MLLT3: variants seen among roughly 807,000 people sequenced by gnomAD.
MLLT3 encodes protein AF-9.
Under a neutral mutation model 53.2 loss-of-function variants are expected in MLLT3, and 4 were observed. That is an observed-to-expected ratio of 0.08 (90% confidence interval 0.04 to 0.17). The LOEUF is 0.17. Ranked by LOEUF, MLLT3 falls within the 10% of genes least tolerant of loss-of-function variation. The probability of loss-of-function intolerance (pLI) is 1.00; values close to 1 mark genes in which losing one functional copy is unlikely to be tolerated. For missense variants in MLLT3, 569 were observed against 684.0 expected, an observed-to-expected ratio of 0.83 and a Z score of 1.87; for synonymous variants, 283 against 230.6, an observed-to-expected ratio of 1.23 and a Z score of -2.06.
chr9:20,602,678 G>T (rs141792231), intron 2 of MLLT3, among the ~76,000 whole-genome samples: 9 of 151,536 alleles, frequency 5.9e-5, no homozygotes, highest in Non-Finnish European at 1.3e-4. Flanking sequence ...TTAGAATTTG[G>T]CATCTTGGAG....
chr9:20,521,877 T>C (rs985885674), intron 2 of MLLT3, among the ~76,000 whole-genome samples: 2 of 152,162 alleles, frequency 1.3e-5, no homozygotes, highest in African/African-American at 4.8e-5. Context: ...TGCAGCTTAG[T>C]ATTCAAGGTT....
In MLLT3 at chr9:20,342,578, C is replaced by T. The variant is rs1005979001; in HGVS notation, c.*3865G>A. The stretch of plus-strand genomic sequence containing the variant: ...ATACACATTTACAGTTTACAGACAG[C>T]GGTGGCTTTGTCTTCCTTTTAAATT... On this transcript the variant is annotated 3_prime_UTR_variant, in exon 11 of 11. Coordinates refer to ENST00000380338, the MANE Select transcript of MLLT3 (RefSeq NM_004529.4). The T allele has an allele frequency of 4.2e-4, 91 of 218,696 alleles. No individual in the cohort carries two copies. Among genetic ancestry groups the T allele is most frequent in the Non-Finnish European group, 7.2e-4 (78 of 109,056 alleles). The allele number at this position is 218,696 out of a possible 1,614,324, so 13.5% of individuals were successfully genotyped here.
chr9:20,429,705 G>A (rs562120818), intron 4 of MLLT3, among the ~76,000 whole-genome samples: 6 of 152,144 alleles, frequency 3.9e-5, no homozygotes, highest in African/African-American at 7.2e-5. Context: ...ATACTGAAAC[G>A]TTTTCTGATA....
chr9:20,387,395 A>G lies in MLLT3; in HGVS notation c.1126-21651T>C, dbSNP rs529870866. Among the ~76,000 whole-genome samples, 10 of 152,360 alleles carry G rather than the reference A, an allele frequency of 6.6e-5. No individual in the cohort carries two copies. The South Asian group carries it at 2.1e-3, about 32-fold the overall frequency. ...GGGATTTGGTGAACTTTGTTACATC[A>G]GATTTCTCTGATTTAGTTTATCCTA... is the stretch of plus-strand genomic sequence containing the variant. On this transcript the variant is annotated intron_variant, in intron 5 of 10. Transcript: ENST00000380338.
At chr9:20,420,106 G>T (rs904189648) in intron 4 of MLLT3, among the ~76,000 whole-genome samples, 8 of 152,094 alleles carry the variant, frequency 5.3e-5, no homozygotes, top group African/African-American at 1.9e-4. Context: ...AAGGAAGGTG[G>T]TCATTTATTA....
rs190887472 is a variant in MLLT3, at chr9:20,468,326, C to A, written c.194-11540G>T. Among the ~76,000 whole-genome samples the A allele has an allele frequency of 6.8e-4, 103 of 152,150 alleles. 1 individual carries two copies. Among genetic ancestry groups the A allele is most frequent in the Middle Eastern group, 6.8e-3 (2 of 294 alleles). ...ATTCCTAAATTTGTTTTTATTTTTG[C>A]TGTCATAGCTCCTTGACAGGGATAT... On this transcript the variant is annotated intron_variant, in intron 2 of 10. Coordinates refer to ENST00000380338, the MANE Select transcript of MLLT3 (RefSeq NM_004529.4).
At chr9:20,597,016 A>G (rs1389475024) in intron 2 of MLLT3, among the ~76,000 whole-genome samples, 1 of 152,190 alleles carries the variant, frequency 6.6e-6, no homozygotes, top group Non-Finnish European at 1.5e-5. Context: ...GTTTTGTTAA[A>G]TGTGTTCCTA....
chr9:20,487,040 A>G (rs1563782302), intron 2 of MLLT3, among the ~76,000 whole-genome samples: 1 of 152,162 alleles, frequency 6.6e-6, no homozygotes, highest in African/African-American at 2.4e-5. Flanking sequence ...AACAAAATGC[A>G]ATTATTAATC....
intron 4 of MLLT3, among the ~76,000 whole-genome samples, chr9:20,442,768 A>G (rs1378061066): frequency 6.6e-6 from 1 of 152,212 alleles, no homozygotes; most frequent in African/African-American, 2.4e-5. Flanking sequence ...CATTTCAGAA[A>G]GATTCCAATT....
chr9:20,514,897 T>C (rs968615731), intron 2 of MLLT3, among the ~76,000 whole-genome samples: 1 of 152,054 alleles, frequency 6.6e-6, no homozygotes, highest in African/African-American at 2.4e-5. Context: ...AGTAATATCT[T>C]CAAGGCAGGA....
intron 4 of MLLT3, among the ~76,000 whole-genome samples, chr9:20,444,406 T>C (rs1471230218): frequency 2.6e-5 from 4 of 152,158 alleles, no homozygotes; most frequent in Non-Finnish European, 4.4e-5. Context: ...AGTTTACTGC[T>C]CACTGCTCTC....
In MLLT3 at chr9:20,448,033, T is replaced by C; in HGVS notation, c.420+90A>G. 1 of 1,428,312 alleles carries C rather than the reference T, an allele frequency of 7.0e-7. No homozygotes were observed. Among genetic ancestry groups the C allele is most frequent in the South Asian group, 1.4e-5 (1 of 73,486 alleles). The allele number at this position is 1,428,312 out of a possible 1,614,324, so 88.5% of individuals were successfully genotyped here. On this transcript the variant is annotated intron_variant, in intron 4 of 10. Coordinates refer to ENST00000380338, the MANE Select transcript of MLLT3 (RefSeq NM_004529.4). This position sits in a 1 kb window ranked among gnomAD's most constrained non-coding sequence, Gnocchi z 4.0. ...TTACCTCTCCCAAAACCTTATACTT[T>C]TTAACACATGAGGAACTAGTTTGTT...
chr9:20,540,013 CCCCAGGCAACTCCAAAA>C (rs1818586611), intron 2 of MLLT3, among the ~76,000 whole-genome samples: 1 of 152,232 alleles, frequency 6.6e-6, no homozygotes. Flanking sequence ...AGGCTACAAA[CCCCAGGCAACTCCAAAA>C]CCCAGCAAGG....
At position 20,391,299 on chromosome 9, in the gene MLLT3, G is replaced by A. The variant is rs1822173333; in HGVS notation, c.1125+22422C>T. ...AATCCTTGCTAATTTCTAGGACAGG[G>A]AAAAGCAGAGGGAAAAAGAAGAGAA... On this transcript the variant is annotated intron_variant, in intron 5 of 10. Transcript: ENST00000380338. 2.6e-5 allele frequency among the ~76,000 whole-genome samples: 4 copies of A among 152,192 alleles called. No individual in the cohort carries two copies. In the South Asian group the frequency reaches 8.3e-4, roughly 32 times the overall value.
intron 2 of MLLT3, among the ~76,000 whole-genome samples, chr9:20,594,643 C>A (rs1355353714): frequency 6.6e-6 from 1 of 152,082 alleles, no homozygotes; most frequent in Non-Finnish European, 1.5e-5. Flanking sequence ...TCATAAAGAC[C>A]CTGCTTACAA....
At chr9:20,587,848 A>G (rs1820015810) in intron 2 of MLLT3, among the ~76,000 whole-genome samples, 1 of 152,192 alleles carries the variant, frequency 6.6e-6, no homozygotes, top group African/African-American at 2.4e-5. Context: ...TAGTTTACTT[A>G]GATCCCATTT....
intron 2 of MLLT3, among the ~76,000 whole-genome samples, chr9:20,611,144 T>G (rs1009869006): frequency 7.2e-5 from 11 of 152,172 alleles, no homozygotes; most frequent in Admixed American, 6.6e-4. Flanking sequence ...ACAATGAACC[T>G]GGTTTTTAAA....
At chr9:20,405,039 A>G (rs1586923811) in intron 5 of MLLT3, among the ~76,000 whole-genome samples, 1 of 152,142 alleles carries the variant, frequency 6.6e-6, no homozygotes, top group Non-Finnish European at 1.5e-5. Context: ...AGATAATACA[A>G]TATAATATCA....
chr9:20,496,271 T>A (rs1336429896), intron 2 of MLLT3, among the ~76,000 whole-genome samples: 1 of 152,208 alleles, frequency 6.6e-6, no homozygotes, highest in Non-Finnish European at 1.5e-5. Context: ...TGCTACAGAA[T>A]GTTTCCTTGA....
Sources: allele counts gnomAD v4.1 joint callset (sites outside exome capture counted in the v4.1 genomes callset), GRCh38; gene constraint gnomAD v4.1.1; non-coding constraint Gnocchi (gnomAD v3.1); transcripts MANE v1.5; gene names NCBI Gene and HGNC (gene_info 2026-07-23, HGNC 2026-07-21).